RAB11FIP4: variants seen among roughly 807,000 people sequenced by gnomAD.
RAB11FIP4 encodes the protein RAB11 family interacting protein 4, also known as rab11 family-interacting protein 4.
RAB11FIP4 carries 23 observed loss-of-function variants against 74.3 expected under a neutral mutation model. That is an observed-to-expected ratio of 0.31 (90% CI 0.22 to 0.44). The LOEUF (loss-of-function observed/expected upper bound fraction) is 0.44. RAB11FIP4 is among the 20% of genes least tolerant of loss of function. The pLI is 1.00. For missense variants in RAB11FIP4, 630 were observed against 863.9 expected (o/e 0.73, Z 3.39); for synonymous variants, 360 against 359.9 (o/e 1.00, Z 0.00).
At chr17:31,519,742 G>T (rs1404727935) in intron 4 of RAB11FIP4, among the ~76,000 whole-genome samples, 1 of 152,026 alleles carries the variant, frequency 6.6e-6, no homozygotes, top group Non-Finnish European at 1.5e-5. Context: ...TCAATGCAGG[G>T]TTTCTCAAAC....
At chr17:31,410,380 A>G (rs934057083) in intron 1 of RAB11FIP4, among the ~76,000 whole-genome samples, 6 of 152,294 alleles carry the variant, frequency 3.9e-5, no homozygotes, top group Middle Eastern at 3.4e-3. Flanking sequence ...GGCTGCAGAT[A>G]CAGGGGTAAA....
chr17:31,502,198 T>C (rs980317378), intron 3 of RAB11FIP4, among the ~76,000 whole-genome samples: 2 of 150,220 alleles, frequency 1.3e-5, no homozygotes, highest in African/African-American at 4.9e-5. Flanking sequence ...CACTCTGGCC[T>C]GGTTGACAGA....
intron 3 of RAB11FIP4, among the ~76,000 whole-genome samples, chr17:31,499,920 T>G (rs2072186505): frequency 6.6e-6 from 1 of 152,220 alleles, no homozygotes; most frequent in African/African-American, 2.4e-5. Flanking sequence ...TTCTTGGGGC[T>G]GGCTGCTGGG....
intron 1 of RAB11FIP4, among the ~76,000 whole-genome samples, chr17:31,410,359 C>T (rs1358690371): frequency 2.0e-5 from 3 of 152,116 alleles, no homozygotes; most frequent in Non-Finnish European, 4.4e-5. Flanking sequence ...GAGAAACATA[C>T]CTGCACCTGC....
chr17:31,525,276 C>A, intron 10 of RAB11FIP4, 46 bp downstream of exon 10: 1 of 1,511,664 alleles, frequency 6.6e-7, no homozygotes, highest in Non-Finnish European at 8.9e-7. Flanking sequence ...ACCCCCTGTC[C>A]TGGGGCAGCC....
At chr17:31,400,740 G>C (rs573024845) in intron 1 of RAB11FIP4, among the ~76,000 whole-genome samples, 6 of 152,350 alleles carry the variant, frequency 3.9e-5, no homozygotes, top group Admixed American at 3.3e-4. Context: ...TGGGGAGGCA[G>C]AGAGGAAGAG....
At chr17:31,407,799 T>C (rs1417846198) in intron 1 of RAB11FIP4, among the ~76,000 whole-genome samples, 1 of 152,224 alleles carries the variant, frequency 6.6e-6, no homozygotes, top group Non-Finnish European at 1.5e-5. Context: ...GGTGTCTACC[T>C]CATCTATTCA....
intron 3 of RAB11FIP4, among the ~76,000 whole-genome samples, chr17:31,515,306 G>A (rs1230342711): frequency 6.6e-6 from 1 of 151,880 alleles, no homozygotes; most frequent in Non-Finnish European, 1.5e-5. Context: ...GTGGGTGGAA[G>A]GGGCCCTGGG....
At position 31,517,785 on chromosome 17, in the gene RAB11FIP4, C is replaced by T; in HGVS notation, c.471C>T (p.Ser157=). Residue 157 remains serine (S), a synonymous_variant, in exon 4 of 15, where the codon AGC becomes AGT. Transcript: ENST00000621161. ...PEGPQELYTD[S]PMESTQSLEG... is the part of the protein sequence containing the mutation. ...GCCCCCAGGAGTTGTACACAGACAG[C>T]CCCATGGAGAGCACTCAGAGCCTGG... is the stretch of plus-strand genomic sequence containing the variant. 6.4e-7 allele frequency: 1 copy of T among 1,560,156 alleles called. No homozygotes were observed. The highest frequency in any genetic ancestry group is 8.7e-7 in the Non-Finnish European group (1 of 1,151,418).
Position 31,391,699 on chromosome 17 carries a change from C to A in RAB11FIP4, c.-154C>A. The A allele has an allele frequency of 2.4e-6, 1 of 421,014 alleles. No homozygotes were observed. The allele number at this position is 421,014 out of a possible 1,614,324, so 26.1% of individuals were successfully genotyped here. A position where few individuals can be genotyped will look rare whatever the true frequency, so the allele number is the denominator to read the frequency against. On this transcript the variant is annotated 5_prime_UTR_variant, in exon 1 of 15. It adds an upstream start codon to the 5' untranslated region. Coordinates refer to ENST00000621161, the MANE Select transcript of RAB11FIP4 (RefSeq NM_032932.6). ...CGGAGCGGCTGGGGCTGCGGCGCCG[C>A]TGCTGACACGGATCGGCCGCGGCCG...
At chr17:31,424,943 T>C (rs1476939859) in intron 1 of RAB11FIP4, among the ~76,000 whole-genome samples, 1 of 152,142 alleles carries the variant, frequency 6.6e-6, no homozygotes, top group East Asian at 1.9e-4. Flanking sequence ...TTTTTCTAGA[T>C]TAAAAGAGAG....
At chr17:31,489,894 T>G (rs538983291) in intron 3 of RAB11FIP4, among the ~76,000 whole-genome samples, 59 of 152,018 alleles carry the variant, frequency 3.9e-4, no homozygotes, top group Admixed American at 9.8e-4. Flanking sequence ...GTAGAAGAGA[T>G]AAGACTGGGC....
intron 4 of RAB11FIP4, among the ~76,000 whole-genome samples, chr17:31,519,378 A>G (rs1168668297): frequency 6.6e-6 from 1 of 152,180 alleles, no homozygotes; most frequent in Non-Finnish European, 1.5e-5. Flanking sequence ...ATGTACTCCC[A>G]TAATCAGAAA....
rs141646654 is a variant in RAB11FIP4, at chr17:31,516,518, G to C, written c.337-1133G>C. ...TCAGTCTTGCTCTGTCACCCAGGCC[G>C]AACTGCAGTGGCGCTATCTTGGCTC... On this transcript the variant is annotated intron_variant, in intron 3 of 14. Coordinates refer to ENST00000621161, the MANE Select transcript of RAB11FIP4 (RefSeq NM_032932.6). 1.9e-3 allele frequency among the ~76,000 whole-genome samples: 283 copies of C among 152,294 alleles called. 2 individuals carry two copies. Among genetic ancestry groups the C allele is most frequent in the African/African-American group, 6.5e-3 (269 of 41,556 alleles).
rs2072316892 is a variant in RAB11FIP4 at position 31,505,554 on chromosome 17, TA to T, written c.337-12095del. Among the ~76,000 whole-genome samples, 6 of 89,678 alleles carry T rather than the reference TA, an allele frequency of 6.7e-5. No homozygotes were observed. In the Admixed American group the frequency reaches 9.5e-4, roughly 14 times the overall value. 58.8% of individuals were successfully genotyped at this position (89,678 alleles called of 152,430 possible). On this transcript the variant is annotated intron_variant, in intron 3 of 14. Transcript: ENST00000621161. Reference sequence around the variant, plus strand: ...TATAATTATTATATATTATATATAATAATAATTATAATATATAATAATATAT... The same window carrying T: ...TATAATTATTATATATTATATATAATATAATTATAATATATAATAATATAT...
At chr17:31,508,847 G>A (rs186810885) in intron 3 of RAB11FIP4, among the ~76,000 whole-genome samples, 3 of 152,282 alleles carry the variant, frequency 2.0e-5, no homozygotes, top group Middle Eastern at 3.4e-3. Flanking sequence ...CTCCTCTGAC[G>A]CTGCCTTATC....
chr17:31,392,413 C>G (rs967738389), intron 1 of RAB11FIP4: 1 of 156,946 alleles, frequency 6.4e-6, no homozygotes, highest in Non-Finnish European at 1.4e-5. Flanking sequence ...CCTGCTGGGC[C>G]GGGCCAGGGG....
chr17:31,457,849 C>G (rs2071593808), intron 3 of RAB11FIP4, among the ~76,000 whole-genome samples: 1 of 152,170 alleles, frequency 6.6e-6, no homozygotes, highest in Non-Finnish European at 1.5e-5. Flanking sequence ...CCCTTCCTCT[C>G]TCTCCTTTTC....
At chr17:31,425,786 C>T (rs2071243016) in intron 1 of RAB11FIP4, among the ~76,000 whole-genome samples, 1 of 152,214 alleles carries the variant, frequency 6.6e-6, no homozygotes, top group South Asian at 2.1e-4. Context: ...CCCGTCTCTC[C>T]TGGCCTGGGA....
Sources: gnomAD v4.1 joint callset for allele counts (sites outside exome capture counted in the v4.1 genomes callset) on GRCh38, gnomAD v4.1.1 for gene constraint, MANE v1.5 for transcripts, NCBI Gene and HGNC (gene_info 2026-07-23, HGNC 2026-07-21) for gene names.